Variants in CPNE5 observed in about 807,000 individuals in gnomAD.
The protein encoded by CPNE5 is copine 5.
A neutral mutation model predicts 81.1 loss-of-function variants in CPNE5; 42 were observed. The ratio of observed to expected loss-of-function variants is 0.52; its 90% CI spans 0.40 to 0.67. The LOEUF is 0.67. CPNE5 is among the 30% of genes least tolerant of loss of function. CPNE5 has a pLI of 0.00. For missense variants in CPNE5, 612 were observed against 815.5 expected (o/e 0.75, Z 3.04); for synonymous variants, 313 against 321.5 (o/e 0.97, Z 0.28).
At chr6:36,833,533 C>T (rs1023915767) in intron 1 of CPNE5, among the ~76,000 whole-genome samples, 1 of 152,220 alleles carries the variant, frequency 6.6e-6, no homozygotes, top group Admixed American at 6.5e-5. Flanking sequence ...AGGAGAGATT[C>T]TCCTGCTGAC....
intron 1 of CPNE5, among the ~76,000 whole-genome samples, chr6:36,824,313 G>A (rs1276446856): frequency 2.6e-5 from 4 of 152,146 alleles, no homozygotes; most frequent in South Asian, 2.1e-4. Context: ...CAGTCTCTCC[G>A]AAGTGCCAGA....
chr6:36,801,818 A>G (rs967475479), intron 3 of CPNE5, among the ~76,000 whole-genome samples: 1 of 152,072 alleles, frequency 6.6e-6, no homozygotes, highest in Non-Finnish European at 1.5e-5. Flanking sequence ...GTATAGGGGG[A>G]GTTGTTTATG....
intron 1 of CPNE5, chr6:36,827,829 T>C: frequency 1.2e-6 from 1 of 866,938 alleles, no homozygotes; most frequent in Non-Finnish European, 1.4e-6. Flanking sequence ...ACTTTCTTTC[T>C]TTGGAGAGCA....
chr6:36,832,958 T>C (rs1441963366), intron 1 of CPNE5, among the ~76,000 whole-genome samples: 2 of 152,176 alleles, frequency 1.3e-5, no homozygotes, highest in Non-Finnish European at 2.9e-5. Flanking sequence ...TGACTTTTTG[T>C]GGTTTCTGCT....
At chr6:36,809,852 G>A (rs1417220902) in intron 3 of CPNE5, among the ~76,000 whole-genome samples, 2 of 151,530 alleles carry the variant, frequency 1.3e-5, no homozygotes, top group Non-Finnish European at 2.9e-5. Context: ...CCCTGCTCAG[G>A]TTTCTCCCTT....
chr6:36,782,847 A>G (rs1371228580), intron 8 of CPNE5, among the ~76,000 whole-genome samples: 2 of 151,406 alleles, frequency 1.3e-5, no homozygotes, highest in Non-Finnish European at 3.0e-5. Context: ...ACACACACAC[A>G]CACACACACA....
At chr6:36,803,543 T>C (rs754428276) in intron 3 of CPNE5, among the ~76,000 whole-genome samples, 2 of 152,230 alleles carry the variant, frequency 1.3e-5, no homozygotes, top group South Asian at 4.1e-4. Flanking sequence ...AGCTACTGTT[T>C]ATTGAACACA....
chr6:36,823,062 G>A lies in CPNE5; in HGVS notation c.132C>T (p.Asp44=). 1.9e-6 allele frequency: 3 copies of A among 1,575,374 alleles called. No homozygotes were observed. Among genetic ancestry groups the A allele is most frequent in the Non-Finnish European group, 2.6e-6 (3 of 1,159,334 alleles). The change falls in exon 2 of 21, where the codon GAC becomes GAT. Residue 44 remains aspartate (D), a synonymous_variant. Coordinates refer to ENST00000244751, the MANE Select transcript of CPNE5 (RefSeq NM_020939.2). ...TATTGTCAGAGCAGGACTTACGTGGGTCGGACTTGGAAAACATGTCTTTGT... is the reference window on the plus strand; with the variant it reads ...TATTGTCAGAGCAGGACTTACGTGGATCGGACTTGGAAAACATGTCTTTGT... The part of the protein sequence containing the change: ...LLDKDMFSKS[D]PLCVMYTQGM...
intron 11 of CPNE5, 25 bp downstream of exon 11, chr6:36,765,310 C>T (rs768495872): frequency 5.6e-6 from 9 of 1,613,110 alleles, no homozygotes; most frequent in East Asian, 2.2e-5. Flanking sequence ...CTCACCTTCT[C>T]GCCCCTGCCC....
At chr6:36,779,082 C>A in intron 8 of CPNE5, 125 bp from the exon 9 acceptor site, 1 of 643,746 alleles carries the variant, frequency 1.6e-6, no homozygotes. Flanking sequence ...AAGTGCCAGG[C>A]CCTTATTCCA....
upstream of CPNE5, chr6:36,839,510 C>A (rs1052782877): frequency 3.2e-5 from 20 of 634,586 alleles, no homozygotes; most frequent in Non-Finnish European, 5.1e-5. This position sits in a 1 kb window ranked among gnomAD's most constrained non-coding sequence, Gnocchi z 7.3. Flanking sequence ...GAGAGGAGCG[C>A]GAAGAGGGGG....
At chr6:36,749,227 C>T (rs1227406322) in intron 14 of CPNE5, among the ~76,000 whole-genome samples, 1 of 152,082 alleles carries the variant, frequency 6.6e-6, no homozygotes, top group Non-Finnish European at 1.5e-5. Flanking sequence ...TGAGCCACCA[C>T]ATCTGGCTGA....
chr6:36,756,142 C>G, intron 13 of CPNE5, 103 bp downstream of exon 13: 1 of 748,994 alleles, frequency 1.3e-6, no homozygotes, highest in Admixed American at 2.3e-5. Context: ...TTCCCACGCT[C>G]AGCCCCTGCA....
intron 1 of CPNE5, among the ~76,000 whole-genome samples, chr6:36,832,463 G>A (rs549918465): frequency 5.9e-5 from 9 of 152,288 alleles, no homozygotes; most frequent in South Asian, 2.1e-4. Context: ...GTACTTTCCC[G>A]GTAAAAAGAA....
In CPNE5 at chr6:36,742,307, G is replaced by A; in HGVS notation, c.1743C>T (p.Ala581=). The A allele has an allele frequency of 2.5e-6, 4 of 1,607,874 alleles. No individual in the cohort carries two copies. Among genetic ancestry groups the A allele is most frequent in the African/African-American group, 2.7e-5 (2 of 75,030 alleles). ...APTHSPSQSP[A]RTPPASPLHT... ...GCAGGGGGGACGCAGGGGGCGTGCG[G>A]GCTGGGGACTGCGAGGGCGAGTGGG... The change falls in exon 21 of 21, where the codon GCC becomes GCT. Residue 581 remains alanine, a synonymous_variant. Coordinates refer to ENST00000244751, the MANE Select transcript of CPNE5 (RefSeq NM_020939.2).
At chr6:36,788,588 C>T (rs148988064) in intron 8 of CPNE5, among the ~76,000 whole-genome samples, 50 of 128,448 alleles carry the variant, frequency 3.9e-4, no homozygotes, top group Non-Finnish European at 6.6e-4. Context: ...TCAAATAAGA[C>T]TAAATAAGAG....
chr6:36,833,188 C>A lies in CPNE5; in HGVS notation c.95+6095G>T, dbSNP rs77837356. Among the ~76,000 whole-genome samples the A allele has an allele frequency of 7.1e-4, 108 of 152,354 alleles. 2 individuals are homozygous for A. The East Asian group carries it at 0.019, about 26-fold the overall frequency. On this transcript the variant is annotated intron_variant, in intron 1 of 20. Transcript: ENST00000244751. ...CTGAGGGAATAGGAGTTGGATCCCT[C>A]TCTCCAAAGTGTACTCACTGTGTAA... is the stretch of plus-strand genomic sequence containing the variant.
intron 3 of CPNE5, among the ~76,000 whole-genome samples, chr6:36,808,369 A>G (rs536010637): frequency 2.3e-4 from 35 of 152,092 alleles, no homozygotes; most frequent in Middle Eastern, 3.2e-3. Flanking sequence ...TGCTGGGATT[A>G]CAGGCATGAG....
rs77210425 is a variant in CPNE5, at chr6:36,799,301, A to G, written c.287+666T>C. Among the ~76,000 whole-genome samples the G allele has an allele frequency of 6.7e-3, 1,014 of 152,178 alleles. 14 individuals are homozygous for G. The highest frequency in any genetic ancestry group is 0.023 in the African/African-American group (940 of 41,522). On this transcript the variant is annotated intron_variant, in intron 4 of 20. Coordinates refer to ENST00000244751, the MANE Select transcript of CPNE5 (RefSeq NM_020939.2). ...TTCAATACCTCCCATCTCTCCCTCC[A>G]AAGTCATTTCCTTCCACTGCATTCT...
Sources: allele counts gnomAD v4.1 joint callset (sites outside exome capture counted in the v4.1 genomes callset), GRCh38; gene constraint gnomAD v4.1.1; non-coding constraint Gnocchi (gnomAD v3.1); transcripts MANE v1.5; gene names NCBI Gene and HGNC (gene_info 2026-07-23, HGNC 2026-07-21).